The following DMRT1 variants were observed in gnomAD, a reference collection of about 807,000 sequenced individuals.
DMRT1 encodes the protein doublesex- and mab-3-related transcription factor 1.
DMRT1 carries 7 observed loss-of-function variants against 32.3 expected under a neutral mutation model. The observed-to-expected ratio is 0.22, with a 90% CI of 0.12 to 0.41. The LOEUF (loss-of-function observed/expected upper bound fraction) is 0.41. Among genes scored for constraint, DMRT1 ranks in the 10% least tolerant of loss-of-function variants. DMRT1 has a pLI of 1.00. For synonymous variants in DMRT1, 278 were observed against 206.1 expected (o/e 1.35, Z -2.99); for missense variants, 625 against 500.5 (o/e 1.25, Z -2.37).
At chr9:861,791 G>A (rs569015310) in intron 2 of DMRT1, among the ~76,000 whole-genome samples, 1 of 96,246 alleles carries the variant, frequency 1.0e-5, no homozygotes, top group Admixed American at 1.1e-4. Flanking sequence ...TTCCCAGACG[G>A]GGCGGCTGCC....
chr9:865,196 A>G (rs1815926186), intron 2 of DMRT1, among the ~76,000 whole-genome samples: 1 of 152,188 alleles, frequency 6.6e-6, no homozygotes. Flanking sequence ...TATTGAAGAC[A>G]CCTGGGAAAA....
At chr9:938,412 G>A (rs1471882329) in intron 4 of DMRT1, among the ~76,000 whole-genome samples, 2 of 152,242 alleles carry the variant, frequency 1.3e-5, no homozygotes, top group Non-Finnish European at 2.9e-5. Flanking sequence ...ATGAACACGG[G>A]ATGATGTCTT....
At chr9:845,959 T>G (rs1366045327) in intron 1 of DMRT1, among the ~76,000 whole-genome samples, 1 of 152,184 alleles carries the variant, frequency 6.6e-6, no homozygotes, top group African/African-American at 2.4e-5. Context: ...AAGGTACTTC[T>G]GTGTACCACT....
chr9:896,320 A>C (rs1817361172), intron 3 of DMRT1, among the ~76,000 whole-genome samples: 2 of 114,874 alleles, frequency 1.7e-5, no homozygotes, highest in African/African-American at 3.4e-5. Context: ...ACAGAGTCTC[A>C]CTCTGTCGCC....
At chr9:918,376 A>C (rs191771881) in intron 4 of DMRT1, among the ~76,000 whole-genome samples, 1 of 152,376 alleles carries the variant, frequency 6.6e-6, no homozygotes, top group Non-Finnish European at 1.5e-5. Context: ...TTCTTGAGAC[A>C]AAGGTGTAAA....
At chr9:935,818 C>G (rs558812908) in intron 4 of DMRT1, among the ~76,000 whole-genome samples, 135 of 152,264 alleles carry the variant, frequency 8.9e-4, no homozygotes, top group African/African-American at 3.1e-3. Context: ...CTTATCAAAC[C>G]AAATGTTTGT....
chr9:930,028 T>C (rs1818657605), intron 4 of DMRT1, among the ~76,000 whole-genome samples: 2 of 152,196 alleles, frequency 1.3e-5, no homozygotes, highest in Non-Finnish European at 2.9e-5. Flanking sequence ...CCCAGCCGTC[T>C]TGACTTTATT....
At chr9:923,004 G>A (rs186330853) in intron 4 of DMRT1, among the ~76,000 whole-genome samples, 115 of 152,196 alleles carry the variant, frequency 7.6e-4, no homozygotes, top group African/African-American at 2.6e-3. Flanking sequence ...ACAACTTTTC[G>A]AATCCATCTG....
At chr9:859,400 C>T (rs1228250942) in intron 2 of DMRT1, among the ~76,000 whole-genome samples, 4 of 152,030 alleles carry the variant, frequency 2.6e-5, no homozygotes, top group African/African-American at 4.8e-5. Flanking sequence ...TTAGTTGTAC[C>T]GTGAAGCAAA....
chr9:858,088 C>T (rs140070026), intron 2 of DMRT1, among the ~76,000 whole-genome samples: 2,366 of 152,120 alleles, frequency 0.016, 62 homozygotes, highest in African/African-American at 0.054. Context: ...TATAAACATA[C>T]GTGTGCATGT....
At chr9:927,091 C>T (rs189312999) in intron 4 of DMRT1, among the ~76,000 whole-genome samples, 1 of 152,302 alleles carries the variant, frequency 6.6e-6, no homozygotes, top group African/African-American at 2.4e-5. Flanking sequence ...AGGGCCCTAG[C>T]GATTTTTTTC....
At chr9:950,400 C>T (rs1448927950) in intron 4 of DMRT1, among the ~76,000 whole-genome samples, 2 of 152,048 alleles carry the variant, frequency 1.3e-5, no homozygotes, top group Non-Finnish European at 2.9e-5. Flanking sequence ...CTCTTGTGAA[C>T]AGTCCCACAT....
At chr9:855,604 A>C (rs1364959833) in intron 2 of DMRT1, among the ~76,000 whole-genome samples, 1 of 152,226 alleles carries the variant, frequency 6.6e-6, no homozygotes, top group Admixed American at 6.5e-5. Context: ...GTTCTGTGAT[A>C]TTTTAAACAT....
rs1327115826 is a variant in DMRT1, at chr9:841,894, C to A, written c.56C>A (p.Ala19Asp). 6.2e-6 allele frequency: 10 copies of A among 1,611,766 alleles called. No individual in the cohort carries two copies. The highest frequency in any genetic ancestry group is 8.5e-6 in the Non-Finnish European group (10 of 1,179,096). Residue 19 changes from alanine (A) to aspartate (D), a missense_variant, in exon 1 of 5, where the codon GCC becomes GAC. Physicochemically the swap from Ala to Asp is moderately radical, Grantham distance 126 (BLOSUM62 -2). Coordinates refer to ENST00000382276, the MANE Select transcript of DMRT1 (RefSeq NM_021951.3). ...TCTACACCGTCGGAAGCCCCTCACGCCCCCGGGGTACCGCCGCAGGGCAGA... is the reference window on the plus strand; with the variant it reads ...TCTACACCGTCGGAAGCCCCTCACGACCCCGGGGTACCGCCGCAGGGCAGA... ...KPSTPSEAPH[A>D]PGVPPQGRAG...
intron 3 of DMRT1, among the ~76,000 whole-genome samples, chr9:904,693 C>G (rs1419625530): frequency 6.6e-6 from 1 of 152,108 alleles, no homozygotes; most frequent in Non-Finnish European, 1.5e-5. Flanking sequence ...GCCTGTAATC[C>G]CAGCACTTTG....
In DMRT1 at chr9:887,548, G is replaced by A. The variant is rs114910551; in HGVS notation, c.539-6364G>A. ...ATTCTCATTTGCAGTTGTCACTTGT[G>A]AACTCTGCAGTCCAGCCAGGCTCAT... On this transcript the variant is annotated intron_variant, in intron 2 of 4. Transcript: ENST00000382276. 6.4e-3 allele frequency among the ~76,000 whole-genome samples: 970 copies of A among 152,262 alleles called. 18 individuals carry two copies. Among genetic ancestry groups the A allele is most frequent in the African/African-American group, 0.022 (933 of 41,548 alleles).
chr9:862,831 G>C (rs1447485284), intron 2 of DMRT1, among the ~76,000 whole-genome samples: 1 of 152,110 alleles, frequency 6.6e-6, no homozygotes, highest in East Asian at 1.9e-4. Context: ...GTGAGGTTAT[G>C]TACATCAGCG....
chr9:846,247 G>T (rs201288587), intron 1 of DMRT1, among the ~76,000 whole-genome samples: 1 of 152,018 alleles, frequency 6.6e-6, no homozygotes, highest in South Asian at 2.1e-4. Context: ...TGGCCAGGCC[G>T]ATCTCGAACT....
Position 897,868 on chromosome 9 carries a change from G to T in DMRT1, c.822+3673G>T, listed in dbSNP as rs1045769725. Among the ~76,000 whole-genome samples the T allele has an allele frequency of 1.5e-4, 23 of 152,264 alleles. No homozygotes were observed. In the East Asian group the frequency reaches 4.4e-3, roughly 29 times the overall value. On this transcript the variant is annotated intron_variant, in intron 3 of 4. Coordinates refer to ENST00000382276, the MANE Select transcript of DMRT1 (RefSeq NM_021951.3). The stretch of plus-strand genomic sequence containing the variant: ...ATCAAAAGACTGACATGCGAATATG[G>T]ACCAAGTATGAATGTGTATGGATTG...
Sources: gnomAD v4.1 joint callset for allele counts (sites outside exome capture counted in the v4.1 genomes callset) on GRCh38, gnomAD v4.1.1 for gene constraint, MANE v1.5 for transcripts, NCBI Gene and HGNC (gene_info 2026-07-23, HGNC 2026-07-21) for gene names.